CCDC82: variants seen among roughly 807,000 people sequenced by gnomAD.
CCDC82 encodes coiled-coil domain containing 82, also known as coiled-coil domain-containing protein 82.
CCDC82 carries 47 observed loss-of-function variants against 60.6 expected under a neutral mutation model. The observed-to-expected ratio is 0.77, with a 90% CI of 0.61 to 0.99. The LOEUF is 0.99. Among genes scored for constraint, CCDC82 ranks in the 50% least tolerant of loss-of-function variants. The probability of loss-of-function intolerance (pLI) is 0.00; values close to 1 mark genes in which losing one functional copy is unlikely to be tolerated. For missense variants in CCDC82, 588 were observed against 633.0 expected, an observed-to-expected ratio of 0.93 and a Z score of 0.76; for synonymous variants, 212 against 207.4, an observed-to-expected ratio of 1.02 and a Z score of -0.19.
chr11:96,366,967 A>G (rs987851811), intron 7 of CCDC82, among the ~76,000 whole-genome samples: 7 of 152,228 alleles, frequency 4.6e-5, no homozygotes, highest in African/African-American at 1.7e-4. Flanking sequence ...TAGTCTATTA[A>G]GCATGCAACA....
chr11:96,360,931 T>G (rs1278309030), intron 8 of CCDC82, among the ~76,000 whole-genome samples: 1 of 152,252 alleles, frequency 6.6e-6, no homozygotes, highest in African/African-American at 2.4e-5. Flanking sequence ...CATGTTCAGA[T>G]TTTTGTTCAT....
chr11:96,375,067 AT>A (rs959511587), intron 5 of CCDC82, among the ~76,000 whole-genome samples: 56 of 152,162 alleles, frequency 3.7e-4, no homozygotes, highest in Admixed American at 1.1e-3. Context: ...GGGCAATTTT[AT>A]TTGTGTTAAA....
At chr11:96,373,766 C>A (rs910829785) in intron 5 of CCDC82, among the ~76,000 whole-genome samples, 2 of 152,130 alleles carry the variant, frequency 1.3e-5, no homozygotes, top group African/African-American at 2.4e-5. Flanking sequence ...TTATCCCTTG[C>A]ACACCTATAT....
rs753512579 is a variant in CCDC82 at position 96,383,317 on chromosome 11, C to G, written c.943G>C (p.Glu315Gln). The stretch of plus-strand genomic sequence containing the variant: ...TTCAGTTGTGATGTAGTCAATTTTT[C>G]TCCTTGTTGGTTTTTATTCTCTTCA... ...GDEENKNQQG[E>Q]KLTTSQLKLV... The change falls in exon 5 of 10, where the codon GAA becomes CAA. Residue 315 changes from glutamate to glutamine, a missense_variant. By Grantham distance (29) the Glu-to-Gln change is conservative (BLOSUM62 2). Transcript: ENST00000646818. 2.5e-6 allele frequency: 4 copies of G among 1,607,672 alleles called. No individual in the cohort carries two copies. In the African/African-American group the frequency reaches 5.4e-5, roughly 22 times the overall value.
Position 96,365,063 on chromosome 11 carries a change from A to G in CCDC82, c.1297T>C (p.Cys433Arg). The G allele has an allele frequency of 6.2e-7, 1 of 1,610,116 alleles. No homozygotes were observed. The highest frequency in any genetic ancestry group is 8.5e-7 in the Non-Finnish European group (1 of 1,177,876). The change falls in exon 8 of 10, where the codon TGT becomes CGT. Residue 433 changes from cysteine to arginine, a missense_variant. Transcript: ENST00000646818. ...SCQACGLHRY[C>R]KYSVHLSGEL... ...CCTGATAAATGCACTGAATATTTAC[A>G]GTAGCGATGCAGTCCACAAGCCTGG...
chr11:96,380,706 C>T (rs1392000300), intron 5 of CCDC82: 2 of 151,712 alleles, frequency 1.3e-5, no homozygotes, highest in Non-Finnish European at 3.0e-5. Flanking sequence ...AACCTAAGTG[C>T]ATATTATTAA....
At chr11:96,367,303 A>G (rs185809947) in intron 7 of CCDC82, among the ~76,000 whole-genome samples, 1 of 152,362 alleles carries the variant, frequency 6.6e-6, no homozygotes. Flanking sequence ...ATTTGATTGT[A>G]TGTTATACAG....
At position 96,353,294 on chromosome 11, in the gene CCDC82, T is replaced by A; in HGVS notation, c.*352A>T. The A allele has an allele frequency of 5.6e-6, 1 of 180,044 alleles. No homozygotes were observed. Among genetic ancestry groups the A allele is most frequent in the Non-Finnish European group, 1.2e-5 (1 of 86,544 alleles). 11.2% of individuals were successfully genotyped at this position (180,044 alleles called of 1,614,324 possible). ...TGGACAGGAATTCCGTAAAAATACA[T>A]GTAGACGTTAGTCTAAATACATTTT... is the stretch of plus-strand genomic sequence containing the variant. On this transcript the variant is annotated 3_prime_UTR_variant, in exon 10 of 10. Transcript: ENST00000646818.
At chr11:96,358,485 A>T (rs775636057) in intron 9 of CCDC82, 160 of 1,231,212 alleles carry the variant, frequency 1.3e-4, no homozygotes, top group Non-Finnish European at 1.5e-4. Flanking sequence ...ATTCCCCTCG[A>T]TCTTCAGTTA....
chr11:96,385,383 G>T (rs1388145420), intron 3 of CCDC82: 1 of 152,430 alleles, frequency 6.6e-6, no homozygotes, highest in Non-Finnish European at 1.5e-5. Flanking sequence ...GAAAAGAATA[G>T]AAAACTGAAT....
chr11:96,381,080 T>C lies in CCDC82; in HGVS notation c.991+2189A>G, dbSNP rs1012366771. 3.0e-4 allele frequency: 46 copies of C among 151,756 alleles called. 1 individual carries two copies. Among genetic ancestry groups the C allele is most frequent in the African/African-American group, 1.0e-3 (43 of 41,502 alleles). 9.4% of individuals were successfully genotyped at this position (151,756 alleles called of 1,614,324 possible). A position where few individuals can be genotyped will look rare whatever the true frequency, so the allele number is the denominator to read the frequency against. ...TTTGAACTCTGTACATTCCATTCAA[T>C]ATTTCTGTAACTCCAAAAGTGCCCT... On this transcript the variant is annotated intron_variant, in intron 5 of 9. Coordinates refer to ENST00000646818, the MANE Select transcript of CCDC82 (RefSeq NM_024725.4).
rs200246505 is a variant in CCDC82 at position 96,371,019 on chromosome 11, T to G, written c.1203A>C (p.Gln401His). The G allele has an allele frequency of 6.3e-7, 1 of 1,591,634 alleles. No homozygotes were observed. Among genetic ancestry groups the G allele is most frequent in the Non-Finnish European group, 8.5e-7 (1 of 1,171,180 alleles). ...TCAAAAACAAACTGTGTACCTTATA[T>G]TGCTCTTTCCAACGACTTCTAGATA... ...SLVSRSRWKE[Q>H]YKERVENYSN... Residue 401 changes from glutamine to histidine, a missense_variant, in exon 7 of 10, where the codon CAA (glutamine) becomes CAC (histidine). Gln to His is a conservative substitution (Grantham distance 24). Coordinates refer to ENST00000646818, the MANE Select transcript of CCDC82 (RefSeq NM_024725.4).
At chr11:96,378,014 A>G (rs1346624460) in intron 5 of CCDC82, among the ~76,000 whole-genome samples, 1 of 151,738 alleles carries the variant, frequency 6.6e-6, no homozygotes, top group Non-Finnish European at 1.5e-5. Context: ...CTTCCTTTAC[A>G]TTTCCATTTG....
Position 96,379,700 on chromosome 11 carries a change from C to T in CCDC82, c.991+3569G>A, listed in dbSNP as rs187763101. Among the ~76,000 whole-genome samples the T allele has an allele frequency of 4.1e-3, 620 of 151,916 alleles. 3 individuals are homozygous for T. Among genetic ancestry groups the T allele is most frequent in the African/African-American group, 0.014 (587 of 41,502 alleles). ...CAACACCAAAACAGTTCTATCACCA[C>T]CCAAAACTCCTTCATATTACCTCTT... On this transcript the variant is annotated intron_variant, in intron 5 of 9. Coordinates refer to ENST00000646818, the MANE Select transcript of CCDC82 (RefSeq NM_024725.4).
At chr11:96,385,944 G>A (rs1236577104) in intron 3 of CCDC82, 1 of 152,100 alleles carries the variant, frequency 6.6e-6, no homozygotes, top group African/African-American at 2.4e-5. Context: ...CACCTTATGA[G>A]GCTGATTATT....
chr11:96,383,565 A>C (rs928784713), intron 4 of CCDC82, 92 bp from the exon 5 acceptor site: 7 of 795,450 alleles, frequency 8.8e-6, no homozygotes, highest in Non-Finnish European at 1.4e-5. Flanking sequence ...GACAGCAAAA[A>C]AATGATCCAT....
At chr11:96,370,992 A>C in intron 7 of CCDC82, 21 bp downstream of exon 7, 1 of 1,496,252 alleles carries the variant, frequency 6.7e-7, no homozygotes, top group Non-Finnish European at 8.9e-7. Flanking sequence ...CCAAGCAGAG[A>C]TTCAAAAACA....
rs11021558 is a variant in CCDC82 at position 96,370,068 on chromosome 11, T to G, written c.1209+945A>C. Among the ~76,000 whole-genome samples the G allele has an allele frequency of 7.3e-3, 1,108 of 152,312 alleles. 13 individuals are homozygous for G. Among genetic ancestry groups the G allele is most frequent in the African/African-American group, 0.025 (1,054 of 41,578 alleles). Reference sequence around the variant, plus strand: ...CCCTAAACTCAAGCCATCCTCCAACTTGAAGTCTTTTAAACTCTTTCTGTA... The same window carrying G: ...CCCTAAACTCAAGCCATCCTCCAACGTGAAGTCTTTTAAACTCTTTCTGTA... On this transcript the variant is annotated intron_variant, in intron 7 of 9. Coordinates refer to ENST00000646818, the MANE Select transcript of CCDC82 (RefSeq NM_024725.4).
intron 2 of CCDC82, chr11:96,386,569 G>T (rs1178136623): frequency 6.6e-6 from 1 of 152,030 alleles, no homozygotes; most frequent in Admixed American, 6.6e-5. Context: ...GATATGTTTC[G>T]ATTTTTAAAT....
Sources: gnomAD v4.1 joint callset for allele counts (sites outside exome capture counted in the v4.1 genomes callset) on GRCh38, gnomAD v4.1.1 for gene constraint, MANE v1.5 for transcripts, NCBI Gene and HGNC (gene_info 2026-07-23, HGNC 2026-07-21) for gene names.